Variants in PATJ observed in about 807,000 individuals in gnomAD.
PATJ encodes inaD-like protein.
PATJ carries 190 observed loss-of-function variants against 224.9 expected under a neutral mutation model. The observed-to-expected ratio is 0.84, with a 90% CI of 0.75 to 0.95. The LOEUF (loss-of-function observed/expected upper bound fraction) is 0.95, where lower values mean the gene tolerates loss of function less well. Ranked by LOEUF, PATJ falls within the 40% of genes least tolerant of loss-of-function variation. The pLI is 0.00. For synonymous variants in PATJ, 769 were observed against 820.3 expected (o/e 0.94, Z 1.07); for missense variants, 2,121 against 2,270.3 (o/e 0.93, Z 1.34).
At chr1:61,859,613 A>AT (rs1261931149) in intron 18 of PATJ, among the ~76,000 whole-genome samples, 1 of 149,784 alleles carries the variant, frequency 6.7e-6, no homozygotes, top group Non-Finnish European at 1.5e-5. Context: ...TAATTAACTA[A>AT]TTTTTTTTTG....
intron 28 of PATJ, among the ~76,000 whole-genome samples, chr1:61,993,264 A>T (rs1017389017): frequency 2.6e-5 from 4 of 152,206 alleles, no homozygotes; most frequent in African/African-American, 9.6e-5. Context: ...TTACGAAGAT[A>T]CAGGTGAACA....
chr1:61,974,345 A>G (rs1359714705), intron 27 of PATJ, among the ~76,000 whole-genome samples: 1 of 150,522 alleles, frequency 6.6e-6, no homozygotes, highest in East Asian at 1.9e-4. Flanking sequence ...TCATTTGTCA[A>G]CTAGGTCTTC....
chr1:62,126,930 G>T (rs1393403421), intron 39 of PATJ, among the ~76,000 whole-genome samples: 1 of 152,066 alleles, frequency 6.6e-6, no homozygotes, highest in Non-Finnish European at 1.5e-5. Flanking sequence ...CTCATTTAAT[G>T]CTCAGACCAA....
At chr1:62,095,740 G>T (rs915243720) in intron 33 of PATJ, among the ~76,000 whole-genome samples, 1 of 152,094 alleles carries the variant, frequency 6.6e-6, no homozygotes, top group African/African-American at 2.4e-5. Flanking sequence ...GATTCTCACT[G>T]TTCACAGGAG....
chr1:61,943,284 C>T (rs1301274817), intron 27 of PATJ, among the ~76,000 whole-genome samples: 1 of 152,190 alleles, frequency 6.6e-6, no homozygotes, highest in Admixed American at 6.5e-5. Flanking sequence ...GCCCATGGAG[C>T]AGGGCGGGGC....
chr1:61,840,543 T>G (rs1660918957), intron 17 of PATJ, among the ~76,000 whole-genome samples: 1 of 152,032 alleles, frequency 6.6e-6, no homozygotes, highest in Admixed American at 6.5e-5. Flanking sequence ...CATACACACT[T>G]TAAAGGCTCT....
chr1:61,860,260 C>T (rs1664335047), intron 18 of PATJ, among the ~76,000 whole-genome samples: 1 of 151,858 alleles, frequency 6.6e-6, no homozygotes, highest in African/African-American at 2.4e-5. Flanking sequence ...GGGGTCTCTC[C>T]ATGTTGCCCA....
At chr1:62,056,837 GT>G (rs772488554) in intron 31 of PATJ, among the ~76,000 whole-genome samples, 7 of 151,850 alleles carry the variant, frequency 4.6e-5, no homozygotes, top group Non-Finnish European at 1.0e-4. Context: ...ACTACACTTT[GT>G]TTTTTTTAAG....
At chr1:61,817,401 C>T (rs1449349432) in intron 14 of PATJ, among the ~76,000 whole-genome samples, 2 of 152,146 alleles carry the variant, frequency 1.3e-5, no homozygotes, top group Non-Finnish European at 2.9e-5. Flanking sequence ...CGGTGGCTCA[C>T]GCCTGTAATC....
Position 61,875,204 on chromosome 1 carries a change from A to G in PATJ, c.2836-39A>G, listed in dbSNP as rs767881741. On this transcript the variant is annotated intron_variant, in intron 20 of 43. Transcript: ENST00000642238. Reference sequence around the variant, plus strand: ...AACTGTACAGTAATACATTTTTTTCATAAAGTACTAATGCATTTCTATTTT... The same window carrying G: ...AACTGTACAGTAATACATTTTTTTCGTAAAGTACTAATGCATTTCTATTTT... 7.9e-6 allele frequency: 11 copies of G among 1,394,512 alleles called. No homozygotes were observed. The Admixed American group carries it at 1.9e-4, about 24-fold the overall frequency. 86.4% of individuals were successfully genotyped at this position (1,394,512 alleles called of 1,614,324 possible).
chr1:61,950,673 T>C (rs1218741078), intron 27 of PATJ, among the ~76,000 whole-genome samples: 1 of 152,248 alleles, frequency 6.6e-6, no homozygotes, highest in African/African-American at 2.4e-5. Context: ...AAAATTTATA[T>C]GTTCATTTCA....
At chr1:61,783,952 C>T (rs545822120) in intron 7 of PATJ, among the ~76,000 whole-genome samples, 11 of 152,000 alleles carry the variant, frequency 7.2e-5, no homozygotes, top group African/African-American at 2.7e-4. Context: ...CCATGTTGGC[C>T]AGGCTGGTTT....
intron 3 of PATJ, among the ~76,000 whole-genome samples, chr1:61,764,583 A>G (rs1037480334): frequency 4.6e-5 from 7 of 152,310 alleles, no homozygotes; most frequent in African/African-American, 1.7e-4. Context: ...ATTTGGGCAG[A>G]ATTTAAAACA....
chr1:62,130,622 C>T (rs1254319024), intron 41 of PATJ, among the ~76,000 whole-genome samples: 2 of 151,694 alleles, frequency 1.3e-5, no homozygotes, highest in African/African-American at 2.4e-5. Context: ...GAGGCTGAGG[C>T]GGGCGGATCA....
rs774880021 is a variant in PATJ at position 62,050,963 on chromosome 1, T to C, written c.4033-3T>C. On this transcript the variant is annotated splice_region_variant and splice_polypyrimidine_tract_variant and intron_variant, in intron 30 of 43. Transcript: ENST00000642238. ...TTGCCATTTTCTTTTTAACGTTCCATAGGATCAGAGCGGCACCGAACCTAT... is the reference window on the plus strand; with the variant it reads ...TTGCCATTTTCTTTTTAACGTTCCACAGGATCAGAGCGGCACCGAACCTAT... The C allele has an allele frequency of 2.5e-6, 4 of 1,612,010 alleles. No individual in the cohort carries two copies. Among genetic ancestry groups the C allele is most frequent in the Non-Finnish European group, 3.4e-6 (4 of 1,178,354 alleles).
At chr1:62,130,430 C>T (rs1220277576) in intron 41 of PATJ, among the ~76,000 whole-genome samples, 1 of 151,786 alleles carries the variant, frequency 6.6e-6, no homozygotes, top group Non-Finnish European at 1.5e-5. Flanking sequence ...TCTGGGAGGC[C>T]AAGGCAGGAG....
chr1:61,829,365 C>T (rs1271940942), intron 16 of PATJ, among the ~76,000 whole-genome samples: 1 of 152,142 alleles, frequency 6.6e-6, no homozygotes, highest in Non-Finnish European at 1.5e-5. Flanking sequence ...GTGACTTTTG[C>T]TGTCCTTACC....
chr1:62,114,304 G>A (rs1664212925), intron 35 of PATJ, 58 bp downstream of exon 35: 3 of 1,403,518 alleles, frequency 2.1e-6, no homozygotes, highest in South Asian at 1.2e-5. Flanking sequence ...TCTGATGCCT[G>A]TGAACACTGA....
At position 62,128,015 on chromosome 1, in the gene PATJ, G is replaced by A. The variant is rs1044967845; in HGVS notation, c.5087G>A (p.Gly1696Glu). 3.7e-6 allele frequency: 6 copies of A among 1,613,960 alleles called. No homozygotes were observed. The African/African-American group carries it at 6.7e-5, about 18-fold the overall frequency. ...GGAATCAGTATTGCTGGAGGAAGAG[G>A]AAGTCCCTTAGGAGATATCCCCGTA... ...ALGISIAGGR[G>E]SPLGDIPVFI... The change falls in exon 40 of 44, where the codon GGA becomes GAA. Residue 1696 changes from glycine to glutamate, a missense_variant. Gly to Glu is a moderately conservative substitution (Grantham distance 98). Coordinates refer to ENST00000642238, the MANE Select transcript of PATJ (RefSeq NM_001350145.3).
Sources: gnomAD v4.1 joint callset for allele counts (sites outside exome capture counted in the v4.1 genomes callset) on GRCh38, gnomAD v4.1.1 for gene constraint, MANE v1.5 for transcripts, NCBI Gene and HGNC (gene_info 2026-07-23, HGNC 2026-07-21) for gene names.